Variants in FAT4 observed in about 807,000 individuals in gnomAD.
FAT4 encodes FAT atypical cadherin 4, also known as protocadherin Fat 4.
FAT4 carries 84 observed loss-of-function variants against 303.9 expected under a neutral mutation model. The observed-to-expected ratio is 0.28, with a 90% CI of 0.23 to 0.33. The LOEUF (loss-of-function observed/expected upper bound fraction) is 0.33, where lower values mean the gene tolerates loss of function less well. Among genes scored for constraint, FAT4 ranks in the 10% least tolerant of loss-of-function variants. The pLI, the probability that FAT4 is intolerant of heterozygous loss-of-function variation, is 1.00. For synonymous variants in FAT4, 2,307 were observed against 2,298.8 expected (o/e 1.00, Z -0.10); for missense variants, 6,005 against 6,146.8 (o/e 0.98, Z 0.77).
chr4:125,334,200 T>C (rs1033802521), intron 2 of FAT4, among the ~76,000 whole-genome samples: 8 of 152,090 alleles, frequency 5.3e-5, no homozygotes, highest in Non-Finnish European at 1.2e-4. Flanking sequence ...CACATCTCCA[T>C]CAGCATCCTC....
chr4:125,342,795 T>C (rs1462446007), intron 2 of FAT4, among the ~76,000 whole-genome samples: 1 of 151,936 alleles, frequency 6.6e-6, no homozygotes, highest in African/African-American at 2.4e-5. Flanking sequence ...TAAAATGAGA[T>C]AAAAATTCAG....
chr4:125,329,415 G>A (rs755814262), intron 2 of FAT4, among the ~76,000 whole-genome samples: 7 of 152,134 alleles, frequency 4.6e-5, no homozygotes, highest in African/African-American at 1.2e-4. Context: ...GTTGGCTTCC[G>A]AGTCATCATA....
At chr4:125,343,867 C>T (rs1454517006) in intron 2 of FAT4, among the ~76,000 whole-genome samples, 1 of 152,052 alleles carries the variant, frequency 6.6e-6, no homozygotes, top group East Asian at 1.9e-4. Flanking sequence ...TGAGATATTT[C>T]CAAAAGCATA....
chr4:125,343,244 G>A (rs967596605), intron 2 of FAT4, among the ~76,000 whole-genome samples: 5 of 152,048 alleles, frequency 3.3e-5, no homozygotes, highest in East Asian at 1.9e-4. Flanking sequence ...CAGACAGGGC[G>A]GATGATATTT....
chr4:125,390,902 C>T (rs1733951677), intron 2 of FAT4, among the ~76,000 whole-genome samples: 2 of 152,024 alleles, frequency 1.3e-5, no homozygotes, highest in Non-Finnish European at 1.5e-5. Context: ...ATTTATGTGG[C>T]CAACAAACAT....
At chr4:125,383,061 G>C (rs1417836539) in intron 2 of FAT4, among the ~76,000 whole-genome samples, 4 of 152,118 alleles carry the variant, frequency 2.6e-5, no homozygotes, top group Non-Finnish European at 5.9e-5. Context: ...CTTCGTGTCA[G>C]CAATAAGGCT....
At chr4:125,468,416 G>T (rs1726741818) in intron 11 of FAT4, 96 bp from the exon 12 acceptor site, 2 of 899,360 alleles carry the variant, frequency 2.2e-6, no homozygotes, top group African/African-American at 1.7e-5. Flanking sequence ...GTTGTTAAAA[G>T]ATATCTCATT....
intron 2 of FAT4, among the ~76,000 whole-genome samples, chr4:125,344,269 A>G (rs1731913924): frequency 6.6e-6 from 1 of 152,132 alleles, no homozygotes; most frequent in Non-Finnish European, 1.5e-5. Context: ...TGGATTTCCC[A>G]ACTACCTTGA....
In FAT4 at chr4:125,451,581, G is replaced by A. The variant is rs200082059; in HGVS notation, c.10571G>A (p.Arg3524Gln). 37 of 1,613,950 alleles carry A rather than the reference G, an allele frequency of 2.3e-5. 1 individual carries two copies. Among genetic ancestry groups the A allele is most frequent in the African/African-American group, 4.0e-5 (3 of 74,878 alleles). Residue 3524 changes from arginine to glutamine, a missense_variant, in exon 10 of 18, where the codon CGG becomes CAG. Transcript: ENST00000394329. ...VSEGEVMENK[R>Q]PGTLVMTLQS... ...GAAGGAGAAGTCATGGAAAACAAAC[G>A]GCCAGGCACTTTGGTGATGACCCTT...
intron 2 of FAT4, among the ~76,000 whole-genome samples, chr4:125,350,545 A>G (rs1361970256): frequency 6.6e-6 from 1 of 151,724 alleles, no homozygotes; most frequent in African/African-American, 2.4e-5. Flanking sequence ...TATGTGTTGT[A>G]TAGTCAGTGC....
At chr4:125,368,254 A>AT (rs1248833233) in intron 2 of FAT4, among the ~76,000 whole-genome samples, 10 of 151,848 alleles carry the variant, frequency 6.6e-5, no homozygotes, top group Non-Finnish European at 1.5e-5. Flanking sequence ...TGAAAAAGTC[A>AT]TTTTTTCCAG....
chr4:125,406,205 T>C lies in FAT4; in HGVS notation c.5308-675T>C, dbSNP rs144351998. On this transcript the variant is annotated intron_variant, in intron 3 of 17. Transcript: ENST00000394329. ...TTGTGTATAATGTATATTTACATTC[T>C]TTTGCATATGGATATCCAGTTTTCC... is the stretch of plus-strand genomic sequence containing the variant. Among the ~76,000 whole-genome samples, 593 of 152,274 alleles carry C rather than the reference T, an allele frequency of 3.9e-3. 3 individuals are homozygous for C. Among genetic ancestry groups the C allele is most frequent in the African/African-American group, 0.014 (567 of 41,570 alleles).
rs1201796655 is a variant in FAT4 at position 125,450,860 on chromosome 4, G to C, written c.9850G>C (p.Ala3284Pro). ...CCCCGATGAGGAAAGGTGTAGCTTT[G>C]CCACTGTTAATATACAATTAAAAGG... ...NVPDEERCSF[A>P]TVNIQLKGTN... is the part of the protein sequence containing the mutation. Residue 3284 changes from alanine to proline, a missense_variant, in exon 10 of 18, where the codon GCC becomes CCC. By Grantham distance (27) the Ala-to-Pro change is conservative. Coordinates refer to ENST00000394329, the MANE Select transcript of FAT4 (RefSeq NM_001291303.3). 1.9e-6 allele frequency: 3 copies of C among 1,614,102 alleles called. No individual in the cohort carries two copies.
intron 2 of FAT4, among the ~76,000 whole-genome samples, chr4:125,382,616 G>A (rs1355386765): frequency 2.6e-5 from 4 of 152,126 alleles, no homozygotes; most frequent in Non-Finnish European, 4.4e-5. Context: ...TTTCAGAATG[G>A]TAAAAGATCA....
chr4:125,376,164 T>C (rs749186366), intron 2 of FAT4, among the ~76,000 whole-genome samples: 12 of 152,236 alleles, frequency 7.9e-5, no homozygotes, highest in Non-Finnish European at 1.8e-4. Flanking sequence ...TGTGTAAGAA[T>C]TATACACCTA....
At chr4:125,482,206 A>T (rs1385171505) in intron 16 of FAT4, among the ~76,000 whole-genome samples, 1 of 152,232 alleles carries the variant, frequency 6.6e-6, no homozygotes, top group East Asian at 1.9e-4. Context: ...TTGAAATTAT[A>T]TGATTTCTGG....
chr4:125,490,189 C>T lies in FAT4; in HGVS notation c.13373C>T (p.Ser4458Leu), dbSNP rs77145229. 68 of 1,614,142 alleles carry T rather than the reference C, an allele frequency of 4.2e-5. 1 individual carries two copies. The East Asian group carries it at 1.2e-3, about 28-fold the overall frequency. The change falls in exon 18 of 18, where the codon TCG (serine) becomes TTG (leucine). Residue 4458 changes from serine to leucine, a missense_variant. Coordinates refer to ENST00000394329, the MANE Select transcript of FAT4 (RefSeq NM_001291303.3). ...HSGFTCSCPDSHTGRTCEMVV... is the reference protein window; with the variant it reads ...HSGFTCSCPDLHTGRTCEMVV... Reference sequence around the variant, plus strand: ...GGCTTCACCTGTAGCTGCCCAGACTCGCACACGGGAAGGACCTGTGAGATG... The same window carrying T: ...GGCTTCACCTGTAGCTGCCCAGACTTGCACACGGGAAGGACCTGTGAGATG...
intron 10 of FAT4, among the ~76,000 whole-genome samples, chr4:125,461,817 A>G (rs1423080518): frequency 6.6e-6 from 1 of 151,942 alleles, no homozygotes; most frequent in Non-Finnish European, 1.5e-5. Flanking sequence ...GTAAGAAAAA[A>G]AAATCTACAT....
chr4:125,366,596 A>G (rs532671870), intron 2 of FAT4, among the ~76,000 whole-genome samples: 59 of 152,342 alleles, frequency 3.9e-4, no homozygotes, highest in African/African-American at 1.4e-3. Context: ...AATGATGCAT[A>G]TTCCTTTGGG....
Sources: allele counts gnomAD v4.1 joint callset (sites outside exome capture counted in the v4.1 genomes callset), GRCh38; gene constraint gnomAD v4.1.1; transcripts MANE v1.5; gene names NCBI Gene and HGNC (gene_info 2026-07-23, HGNC 2026-07-21).